Variants in MMS19 observed in about 807,000 individuals in gnomAD.
MMS19 encodes the protein MMS19 nucleotide excision repair protein homolog.
In MMS19, 77 loss-of-function variants were observed where a neutral mutation model predicts 129.8. The observed-to-expected ratio is 0.59, with a 90% CI of 0.49 to 0.72. MMS19 has a LOEUF of 0.72. Ranked by LOEUF, MMS19 falls within the 30% of genes least tolerant of loss-of-function variation. The probability of loss-of-function intolerance (pLI) is 0.00; values close to 1 mark genes in which losing one functional copy is unlikely to be tolerated. For synonymous variants in MMS19, 491 were observed against 502.8 expected (o/e 0.98, Z 0.31); for missense variants, 1,168 against 1,266.3 (o/e 0.92, Z 1.18).
intron 1 of MMS19, among the ~76,000 whole-genome samples, chr10:97,496,976 A>G (rs1261857644): frequency 6.6e-6 from 1 of 152,262 alleles, no homozygotes; most frequent in South Asian, 2.1e-4. Context: ...TTGGCTGGAT[A>G]TTCGAAAATT....
chr10:97,498,573 G>C, upstream of MMS19: 5 of 669,916 alleles, frequency 7.5e-6, no homozygotes, highest in Non-Finnish European at 1.2e-5. Context: ...GGCACCGAGA[G>C]GGAAGGCGGC....
chr10:97,494,050 C>T (rs1022709609), intron 1 of MMS19, among the ~76,000 whole-genome samples: 3 of 151,978 alleles, frequency 2.0e-5, no homozygotes, highest in Non-Finnish European at 2.9e-5. Context: ...ACAACACACC[C>T]GTAATACCTG....
Position 97,482,733 on chromosome 10 carries a change from TATATACAC to T in MMS19, c.161+1362_161+1369del, listed in dbSNP as rs756774461. 5.4e-3 allele frequency among the ~76,000 whole-genome samples: 613 copies of T among 114,322 alleles called. 15 individuals are homozygous for T. The East Asian group carries it at 0.08, about 15-fold the overall frequency. The allele number at this position is 114,322 out of a possible 152,430, so 75.0% of individuals were successfully genotyped here. Reference sequence around the variant, plus strand: ...GTGTGTGTGTGTGTGTGTGTGTATATATATACACACACACACACACACACACACACACA... The same window carrying T: ...GTGTGTGTGTGTGTGTGTGTGTATATACACACACACACACACACACACACA... On this transcript the variant is annotated intron_variant, in intron 2 of 30. Transcript: ENST00000438925.
intron 18 of MMS19, among the ~76,000 whole-genome samples, chr10:97,464,300 G>A (rs1248611827): frequency 2.0e-5 from 3 of 152,182 alleles, no homozygotes; most frequent in Admixed American, 2.0e-4. Flanking sequence ...TATAGAGAAG[G>A]ACATGGAGGC....
At chr10:97,461,210 G>A (rs1015153543) in intron 23 of MMS19, 8 of 605,580 alleles carry the variant, frequency 1.3e-5, no homozygotes, top group African/African-American at 1.8e-5. Context: ...TGAAAAGAGA[G>A]GGTCATCTAC....
At position 97,469,054 on chromosome 10, in the gene MMS19, G is replaced by A. The variant is rs550820479; in HGVS notation, c.975C>T (p.Leu325=). Residue 325 remains leucine, a synonymous_variant, in exon 12 of 31, where the codon CTC becomes CTT. Transcript: ENST00000438925. ...GAGACAAACACGCAGTCAGGGAGTG[G>A]AGGGCCGCCAGGCCCTCTGCCTCCA... is the stretch of plus-strand genomic sequence containing the variant. The part of the protein sequence containing the change: ...ERVEAEGLAA[L]HSLTACLSRS... The A allele has an allele frequency of 6.3e-7, 1 of 1,583,660 alleles. No homozygotes were observed. Among genetic ancestry groups the A allele is most frequent in the East Asian group, 2.3e-5 (1 of 43,346 alleles).
chr10:97,463,847 T>G lies in MMS19; in HGVS notation c.1912+11A>C, dbSNP rs2032716491. 6.2e-7 allele frequency: 1 copy of G among 1,604,554 alleles called. No individual in the cohort carries two copies. Among genetic ancestry groups the G allele is most frequent in the African/African-American group, 1.3e-5 (1 of 74,664 alleles). On this transcript the variant is annotated intron_variant, in intron 19 of 30. Transcript: ENST00000438925. The stretch of plus-strand genomic sequence containing the variant: ...GTTCCCAAAGGCCAGGAAGGAGAGG[T>G]GGAAAGTTACCTGGCATAGAGGCCT...
intron 1 of MMS19, among the ~76,000 whole-genome samples, chr10:97,484,811 G>T (rs1045259464): frequency 4.6e-5 from 7 of 152,142 alleles, no homozygotes; most frequent in African/African-American, 7.2e-5. Context: ...CAGCTACTCA[G>T]AAGGCTGAGG....
intron 1 of MMS19, among the ~76,000 whole-genome samples, chr10:97,492,429 G>T (rs544080228): frequency 6.6e-6 from 1 of 151,248 alleles, no homozygotes. Context: ...GAGTGGAGAC[G>T]GAGCCACTGC....
intron 23 of MMS19, 190 bp from the exon 24 acceptor site, chr10:97,461,197 ATT>A: frequency 1.6e-6 from 1 of 612,608 alleles, no homozygotes; most frequent in Admixed American, 3.0e-5. Flanking sequence ...AGGTGCTGCC[ATT>A]TGAAAAGAGA....
At position 97,469,630 on chromosome 10, in the gene MMS19, T is replaced by A. The variant is rs376004966; in HGVS notation, c.924+16A>T. The A allele has an allele frequency of 1.9e-6, 3 of 1,599,972 alleles. No homozygotes were observed. The highest frequency in any genetic ancestry group is 2.2e-5 in the East Asian group (1 of 44,802). ...TTGAAAGTTAACAGTAGTGAGTTTATCTGAGTGACACTCACCTCTCTGCGG... is the reference window on the plus strand; with the variant it reads ...TTGAAAGTTAACAGTAGTGAGTTTAACTGAGTGACACTCACCTCTCTGCGG... On this transcript the variant is annotated intron_variant, in intron 11 of 30. Transcript: ENST00000438925.
Position 97,458,537 on chromosome 10 carries a change from T to G in MMS19, c.*155A>C. On this transcript the variant is annotated 3_prime_UTR_variant, in exon 31 of 31. Transcript: ENST00000438925. ...CCACTAGAAATATGGACTCTTATGT[T>G]CTTTGTACAGCCATGCAACAGAGGC... 2.9e-6 allele frequency: 2 copies of G among 694,160 alleles called. No individual in the cohort carries two copies. The highest frequency in any genetic ancestry group is 4.8e-6 in the Non-Finnish European group (2 of 418,728). The allele number at this position is 694,160 out of a possible 1,614,324, so 43.0% of individuals were successfully genotyped here.
At chr10:97,495,767 T>C in intron 1 of MMS19, among the ~76,000 whole-genome samples, 1 of 152,268 alleles carries the variant, frequency 6.6e-6, no homozygotes, top group Non-Finnish European at 1.5e-5. Context: ...TTACTATTCC[T>C]TTGTACCAAC....
At chr10:97,466,697 T>C (rs1052285515) in intron 15 of MMS19, 79 bp downstream of exon 15, 9 of 1,603,104 alleles carry the variant, frequency 5.6e-6, no homozygotes, top group African/African-American at 2.7e-5. Flanking sequence ...AAGAAGAGGA[T>C]AGTAAGGCTG....
chr10:97,483,238 G>A (rs2037206867), intron 2 of MMS19, among the ~76,000 whole-genome samples: 1 of 152,130 alleles, frequency 6.6e-6, no homozygotes, highest in African/African-American at 2.4e-5. Context: ...ATTTTTGGTA[G>A]AGACAGGGTT....
At chr10:97,462,479 T>C (rs1231284815) in intron 20 of MMS19, 104 bp downstream of exon 20, 1 of 785,194 alleles carries the variant, frequency 1.3e-6, no homozygotes, top group Non-Finnish European at 2.2e-6. Context: ...GCACCACATT[T>C]ACATATAGGT....
chr10:97,470,747 T>C lies in MMS19; in HGVS notation c.771+28A>G, dbSNP rs2135331723. On this transcript the variant is annotated intron_variant, in intron 9 of 30. Transcript: ENST00000438925. ...TTCAGAGCCATCTATGGGCAGAGGCTATATACCCTAACCTTGGCTAGACCC... is the reference window on the plus strand; with the variant it reads ...TTCAGAGCCATCTATGGGCAGAGGCCATATACCCTAACCTTGGCTAGACCC... 5 of 1,450,432 alleles carry C rather than the reference T, an allele frequency of 3.4e-6. No individual in the cohort carries two copies. In the East Asian group the frequency reaches 6.8e-5, roughly 20 times the overall value. 89.8% of individuals were successfully genotyped at this position (1,450,432 alleles called of 1,614,324 possible). A position where few individuals can be genotyped will look rare whatever the true frequency, so the allele number is the denominator to read the frequency against.
intron 1 of MMS19, among the ~76,000 whole-genome samples, chr10:97,493,203 G>A (rs1252093883): frequency 6.6e-6 from 1 of 152,082 alleles, no homozygotes; most frequent in Admixed American, 6.6e-5. Context: ...TAGAGACAAG[G>A]TCTCACTATA....
At chr10:97,484,923 C>T (rs186372264) in intron 1 of MMS19, among the ~76,000 whole-genome samples, 178 of 152,010 alleles carry the variant, frequency 1.2e-3, no homozygotes, top group Non-Finnish European at 1.9e-3. Flanking sequence ...GGACCAAAGG[C>T]ATGTGCCACT....
Sources: gnomAD v4.1 joint callset for allele counts (sites outside exome capture counted in the v4.1 genomes callset) on GRCh38, gnomAD v4.1.1 for gene constraint, MANE v1.5 for transcripts, NCBI Gene and HGNC (gene_info 2026-07-23, HGNC 2026-07-21) for gene names.